VGLL4: variants seen among roughly 807,000 people sequenced by gnomAD.
VGLL4 encodes vestigial like family member 4, also known as transcription cofactor vestigial-like protein 4.
VGLL4 carries 7 observed loss-of-function variants against 21.0 expected under a neutral mutation model. The observed-to-expected ratio is 0.33, with a 90% CI of 0.19 to 0.63. The LOEUF (loss-of-function observed/expected upper bound fraction) is 0.63. Among genes scored for constraint, VGLL4 ranks in the 20% least tolerant of loss-of-function variants. The probability of loss-of-function intolerance (pLI) is 0.78; values close to 1 mark genes in which losing one functional copy is unlikely to be tolerated. For missense variants in VGLL4, 394 were observed against 425.7 expected (o/e 0.93, Z 0.66); for synonymous variants, 222 against 173.2 (o/e 1.28, Z -2.21).
intron 1 of VGLL4, among the ~76,000 whole-genome samples, chr3:11,637,039 C>A (rs2125324333): frequency 1.4e-5 from 2 of 147,664 alleles, no homozygotes; most frequent in Admixed American, 1.4e-4. Flanking sequence ...GGCATACAGG[C>A]ATCTCCCTAT....
rs1211362878 is a variant in VGLL4, at chr3:11,604,940, T to C, written c.83-2918A>G. Among the ~76,000 whole-genome samples, 5 of 143,810 alleles carry C rather than the reference T, an allele frequency of 3.5e-5. 2 individuals are homozygous for C. Among genetic ancestry groups the C allele is most frequent in the Non-Finnish European group, 7.6e-5 (5 of 65,614 alleles). The allele number at this position is 143,810 out of a possible 152,430, so 94.3% of individuals were successfully genotyped here. ...TCAAATAAATTTGGAAACCGTGAGATTGAACAACTTTTACAGGAGTTTAAC... is the reference window on the plus strand; with the variant it reads ...TCAAATAAATTTGGAAACCGTGAGACTGAACAACTTTTACAGGAGTTTAAC... On this transcript the variant is annotated intron_variant, in intron 1 of 4. Transcript: ENST00000430365.
intron 2 of VGLL4, among the ~76,000 whole-genome samples, chr3:11,584,923 TCCACCA>T (rs150855339): frequency 1.3e-5 from 2 of 151,302 alleles, no homozygotes; most frequent in Non-Finnish European, 1.5e-5. Flanking sequence ...CACCCAGGGA[TCCACCA>T]CCACCACCAC....
rs1382475837 is a variant in VGLL4, at chr3:11,719,816, G to GTGCCAGCTCGCACCTCCCGGGCCGA, written c.-14+553_-14+577dup. On this transcript the variant is annotated intron_variant, in intron 1 of 5. Transcript: ENST00000273038. The surrounding 1 kb of genome is among the most constrained non-coding windows in gnomAD (Gnocchi z 4.0). ...CCCTCCCCCGCCAGCTGCGCGCCCG[G>GTGCCAGCTCGCACCTCCCGGGCCGA]TGCCAGCTCGCACCTCCCGGGCCGA... Among the ~76,000 whole-genome samples the GTGCCAGCTCGCACCTCCCGGGCCGA allele has an allele frequency of 1.8e-4, 27 of 152,114 alleles. No individual in the cohort carries two copies. The highest frequency in any genetic ancestry group is 1.8e-3 in the Admixed American group (27 of 15,290).
intron 3 of VGLL4, among the ~76,000 whole-genome samples, chr3:11,564,109 G>A (rs1177073616): frequency 1.3e-5 from 2 of 152,188 alleles, no homozygotes; most frequent in East Asian, 3.8e-4. Flanking sequence ...CTGGAGATTC[G>A]GAGAGCTCAA....
chr3:11,564,542 C>T (rs1288441091), intron 3 of VGLL4, among the ~76,000 whole-genome samples: 1 of 152,204 alleles, frequency 6.6e-6, no homozygotes, highest in Non-Finnish European at 1.5e-5. Context: ...ATTCACCTTG[C>T]CCAAGGCCGT....
rs1289135033 is a variant in VGLL4 at position 11,557,522 on chromosome 3, C to T, written c.*1034G>A. The T allele has an allele frequency of 6.6e-6, 1 of 152,548 alleles. No homozygotes were observed. Among genetic ancestry groups the T allele is most frequent in the Non-Finnish European group, 1.5e-5 (1 of 68,030 alleles). 9.4% of individuals were successfully genotyped at this position (152,548 alleles called of 1,614,324 possible). The stretch of plus-strand genomic sequence containing the variant: ...CCCACACCGCAGCTGACCCACTGCT[C>T]ATCGCGAGGGCCTGCCAGGAGCTGG... On this transcript the variant is annotated 3_prime_UTR_variant, in exon 5 of 5. Coordinates refer to ENST00000430365, the MANE Select transcript of VGLL4 (RefSeq NM_001128219.3).
At chr3:11,703,801 A>G (rs1284644488) in intron 1 of VGLL4, among the ~76,000 whole-genome samples, 1 of 152,254 alleles carries the variant, frequency 6.6e-6, no homozygotes, top group East Asian at 1.9e-4. Flanking sequence ...CCAGCTGAGA[A>G]AAACAACTCC....
intron 1 of VGLL4, among the ~76,000 whole-genome samples, chr3:11,609,918 A>C (rs1448370886): frequency 6.6e-6 from 1 of 152,220 alleles, no homozygotes; most frequent in Non-Finnish European, 1.5e-5. Flanking sequence ...TAGATTTTTG[A>C]CAAAGATCTC....
intron 2 of VGLL4, among the ~76,000 whole-genome samples, chr3:11,567,128 A>C (rs2073573227): frequency 6.6e-6 from 1 of 151,964 alleles, no homozygotes; most frequent in Non-Finnish European, 1.5e-5. Flanking sequence ...ATTCTGCGCC[A>C]TCTCCAGCAG....
At chr3:11,629,411 G>A (rs1034918254) in intron 1 of VGLL4, among the ~76,000 whole-genome samples, 1 of 151,660 alleles carries the variant, frequency 6.6e-6, no homozygotes, top group Non-Finnish European at 1.5e-5. Flanking sequence ...AGATCTTCCA[G>A]GTAAAATTTC....
chr3:11,573,066 T>C (rs2073836306), intron 2 of VGLL4, among the ~76,000 whole-genome samples: 1 of 151,536 alleles, frequency 6.6e-6, no homozygotes, highest in African/African-American at 2.4e-5. Context: ...CTCCAGAGGC[T>C]GAGGGAGGAG....
intron 2 of VGLL4, among the ~76,000 whole-genome samples, chr3:11,695,940 G>T (rs1186600982): frequency 6.6e-6 from 1 of 152,208 alleles, no homozygotes; most frequent in African/African-American, 2.4e-5. Context: ...CGATCCAAAG[G>T]CCATGTTATA....
chr3:11,572,719 G>C (rs774778978), intron 2 of VGLL4, among the ~76,000 whole-genome samples: 19 of 152,106 alleles, frequency 1.2e-4, no homozygotes, highest in Non-Finnish European at 2.8e-4. Context: ...CCTCATGTTG[G>C]TCTTGGAGCT....
At chr3:11,636,211 T>C (rs754204638) in intron 1 of VGLL4, among the ~76,000 whole-genome samples, 31 of 152,196 alleles carry the variant, frequency 2.0e-4, no homozygotes, top group Non-Finnish European at 3.1e-4. Context: ...AGGGAAGAAG[T>C]GTAGAGTCTC....
At chr3:11,647,472 G>A (rs376981084), upstream of VGLL4, among the ~76,000 whole-genome samples, 5 of 152,202 alleles carry the variant, frequency 3.3e-5, 1 homozygote, top group African/African-American at 1.2e-4. Flanking sequence ...TGGACCAGAA[G>A]TGTTTTGGAT....
At chr3:11,678,959 G>A (rs966185032) in intron 2 of VGLL4, among the ~76,000 whole-genome samples, 8 of 152,166 alleles carry the variant, frequency 5.3e-5, no homozygotes, top group African/African-American at 1.4e-4. Flanking sequence ...AACGCCTTAC[G>A]TGTTTGAGGT....
intron 1 of VGLL4, among the ~76,000 whole-genome samples, chr3:11,604,055 C>G (rs941473385): frequency 1.3e-5 from 2 of 152,074 alleles, no homozygotes; most frequent in Non-Finnish European, 2.9e-5. Context: ...AAAAAAATTC[C>G]ACAAGAATCC....
intron 1 of VGLL4, chr3:11,611,845 C>T (rs192209475): frequency 2.6e-5 from 4 of 151,844 alleles, no homozygotes; most frequent in Non-Finnish European, 5.9e-5. Flanking sequence ...CCCAGGAATT[C>T]TTCTGCTTGC....
At chr3:11,628,917 G>A (rs772144510) in intron 1 of VGLL4, among the ~76,000 whole-genome samples, 2 of 152,324 alleles carry the variant, frequency 1.3e-5, no homozygotes, top group African/African-American at 4.8e-5. Flanking sequence ...AAAGATTTTG[G>A]GGAAAGCATG....
Sources: allele counts gnomAD v4.1 joint callset (sites outside exome capture counted in the v4.1 genomes callset), GRCh38; gene constraint gnomAD v4.1.1; non-coding constraint Gnocchi (gnomAD v3.1); transcripts MANE v1.5; gene names NCBI Gene and HGNC (gene_info 2026-07-23, HGNC 2026-07-21).